Variants in TPRG1 observed in about 807,000 individuals in gnomAD.
TPRG1 encodes tumor protein p63 regulated 1, also known as tumor protein p63-regulated gene 1 protein.
A neutral mutation model predicts 29.3 loss-of-function variants in TPRG1; 29 were observed. The ratio of observed to expected loss-of-function variants is 0.99; its 90% CI spans 0.74 to 1.35. The LOEUF (loss-of-function observed/expected upper bound fraction) is 1.35. Among genes scored for constraint, TPRG1 ranks in the 40% most tolerant of loss-of-function variants. The pLI is 0.00. For synonymous variants in TPRG1, 130 were observed against 116.8 expected (o/e 1.11, Z -0.73); for missense variants, 327 against 335.0 (o/e 0.98, Z 0.19).
chr3:189,318,890 A>C (rs1335333159), intron 5 of TPRG1, among the ~76,000 whole-genome samples: 1 of 152,226 alleles, frequency 6.6e-6, no homozygotes, highest in African/African-American at 2.4e-5. Flanking sequence ...TTTTAAAACT[A>C]AATTTTCTAA....
chr3:189,320,587 A>G (rs1295126454), intron 5 of TPRG1, 39 bp from the exon 6 acceptor site: 8 of 1,545,578 alleles, frequency 5.2e-6, no homozygotes, highest in Non-Finnish European at 7.0e-6. Context: ...AACTTAATCT[A>G]CAGTAACTAA....
At chr3:189,166,293 G>C (rs1390907660) in intron 5 of TPRG1, among the ~76,000 whole-genome samples, 2 of 152,196 alleles carry the variant, frequency 1.3e-5, no homozygotes, top group East Asian at 3.8e-4. Context: ...GAACTGTTTT[G>C]TTGTTTTCAT....
At chr3:189,017,393 C>G (rs1713002042) in intron 3 of TPRG1, among the ~76,000 whole-genome samples, 2 of 152,038 alleles carry the variant, frequency 1.3e-5, no homozygotes, top group Admixed American at 1.3e-4. Flanking sequence ...CCCCACCTCA[C>G]AACAGTCCCC....
intron 4 of TPRG1, among the ~76,000 whole-genome samples, chr3:189,055,443 CA>C (rs1407064916): frequency 6.6e-6 from 1 of 152,192 alleles, no homozygotes; most frequent in East Asian, 1.9e-4. Flanking sequence ...AGGGCCCACT[CA>C]GGCTCTGATT....
intron 3 of TPRG1, among the ~76,000 whole-genome samples, chr3:189,133,491 GT>G (rs965881702): frequency 1.3e-5 from 2 of 152,068 alleles, no homozygotes; most frequent in African/African-American, 2.4e-5. Flanking sequence ...TATGAGGGTG[GT>G]TTCCCCCATG....
intron 5 of TPRG1, among the ~76,000 whole-genome samples, chr3:189,157,921 T>C (rs975821080): frequency 6.6e-6 from 1 of 152,212 alleles, no homozygotes; most frequent in African/African-American, 2.4e-5. Context: ...TATTATACAA[T>C]GTATGTTGTA....
intron 4 of TPRG1, among the ~76,000 whole-genome samples, chr3:189,055,798 C>T (rs1262330192): frequency 6.6e-6 from 1 of 152,092 alleles, no homozygotes; most frequent in Non-Finnish European, 1.5e-5. Flanking sequence ...GATACTGACC[C>T]ATACAGTTCC....
intron 3 of TPRG1, among the ~76,000 whole-genome samples, chr3:189,133,830 G>A (rs759130111): frequency 5.9e-5 from 9 of 152,074 alleles, no homozygotes; most frequent in Non-Finnish European, 1.0e-4. Flanking sequence ...TAGTCTATGA[G>A]GATATTAATA....
intron 1 of TPRG1, among the ~76,000 whole-genome samples, chr3:189,181,751 A>G (rs1706623818): frequency 6.6e-6 from 1 of 152,176 alleles, no homozygotes; most frequent in South Asian, 2.1e-4. Context: ...TCCAGTTCCA[A>G]AGTTGCTTCC....
At chr3:189,211,110 A>ACT (rs1735192765) in intron 2 of TPRG1, among the ~76,000 whole-genome samples, 1 of 152,182 alleles carries the variant, frequency 6.6e-6, no homozygotes, top group African/African-American at 2.4e-5. Context: ...TTACTTATAT[A>ACT]TACACAATTC....
chr3:189,148,259 T>A (rs1725504096), intron 4 of TPRG1, among the ~76,000 whole-genome samples: 2 of 152,156 alleles, frequency 1.3e-5, no homozygotes, highest in South Asian at 2.1e-4. Flanking sequence ...TACTCTAAAC[T>A]TAGAAGGGGC....
intron 1 of TPRG1, among the ~76,000 whole-genome samples, chr3:189,195,989 C>G (rs1471245747): frequency 1.3e-5 from 2 of 152,092 alleles, no homozygotes; most frequent in Non-Finnish European, 2.9e-5. Flanking sequence ...GAGTAGAGTG[C>G]TAGGGGGCTT....
chr3:189,228,036 G>A (rs1283490451), intron 3 of TPRG1, among the ~76,000 whole-genome samples: 4 of 152,194 alleles, frequency 2.6e-5, no homozygotes, highest in South Asian at 2.1e-4. Flanking sequence ...CAGAAGAATC[G>A]CTTGAACCTG....
At chr3:189,211,596 C>T (rs1735272425) in intron 2 of TPRG1, 1 of 152,160 alleles carries the variant, frequency 6.6e-6, no homozygotes, top group Admixed American at 6.6e-5. Flanking sequence ...GGCTTCCAAC[C>T]TATTATTTAT....
upstream of TPRG1, among the ~76,000 whole-genome samples, chr3:189,099,009 C>A (rs944810664): frequency 9.9e-5 from 15 of 152,106 alleles, no homozygotes; most frequent in Non-Finnish European, 1.8e-4. Context: ...CTTTACCCTG[C>A]GTGCTACAGC....
chr3:189,111,125 A>G (rs953691593), intron 1 of TPRG1, among the ~76,000 whole-genome samples: 2 of 151,730 alleles, frequency 1.3e-5, no homozygotes, highest in Non-Finnish European at 2.9e-5. Context: ...AACAAAAAAA[A>G]TCTTACTAGA....
At chr3:189,007,972 C>T (rs1189725754) in intron 3 of TPRG1, among the ~76,000 whole-genome samples, 8 of 147,896 alleles carry the variant, frequency 5.4e-5, no homozygotes, top group Non-Finnish European at 3.0e-5. Context: ...GGGTGCAGCG[C>T]ACCAGCATGG....
At chr3:189,175,462 C>T (rs933629408) in intron 1 of TPRG1, among the ~76,000 whole-genome samples, 3 of 152,172 alleles carry the variant, frequency 2.0e-5, no homozygotes, top group African/African-American at 7.2e-5. Flanking sequence ...CTGGCAGGCT[C>T]AGGGTTTCAG....
intron 5 of TPRG1, among the ~76,000 whole-genome samples, chr3:189,156,918 G>A (rs1013987606): frequency 6.6e-6 from 1 of 152,192 alleles, no homozygotes; most frequent in African/African-American, 2.4e-5. Context: ...GTTGAGGAAT[G>A]GATTCCTTAA....
Sources: gnomAD v4.1 joint callset for allele counts (sites outside exome capture counted in the v4.1 genomes callset) on GRCh38, gnomAD v4.1.1 for gene constraint, MANE v1.5 for transcripts, NCBI Gene and HGNC (gene_info 2026-07-23, HGNC 2026-07-21) for gene names.